AKAP6: variants seen among roughly 807,000 people sequenced by gnomAD.
The protein encoded by AKAP6 is A-kinase anchor protein 6.
AKAP6 carries 58 observed loss-of-function variants against 188.5 expected under a neutral mutation model. That is an observed-to-expected ratio of 0.31 (90% CI 0.25 to 0.38). AKAP6 has a LOEUF of 0.38. Among genes scored for constraint, AKAP6 ranks in the 10% least tolerant of loss-of-function variants. The pLI is 1.00. For synonymous variants in AKAP6, 989 were observed against 998.6 expected (o/e 0.99, Z 0.18); for missense variants, 2,710 against 2,740.0 (o/e 0.99, Z 0.24).
At chr14:32,611,685 C>G (rs376702400) in intron 7 of AKAP6, among the ~76,000 whole-genome samples, 2 of 152,242 alleles carry the variant, frequency 1.3e-5, no homozygotes, top group African/African-American at 4.8e-5. Flanking sequence ...GTGAAACTTT[C>G]AGGCCCTGTT....
intron 2 of AKAP6, among the ~76,000 whole-genome samples, chr14:32,454,666 TCCTTCCCTCCTTCC>T (rs1891064964): frequency 2.5e-5 from 2 of 78,578 alleles, no homozygotes; most frequent in African/African-American, 9.7e-5. Context: ...TCTCCTTCCC[TCCTTCCCTCCTTCC>T]CTCCTTCCCT....
Position 32,496,204 on chromosome 14 carries a change from T to C in AKAP6, c.325-39350T>C, listed in dbSNP as rs540216482. Among the ~76,000 whole-genome samples the C allele has an allele frequency of 2.0e-5, 3 of 152,306 alleles. No individual in the cohort carries two copies. In the South Asian group the frequency reaches 6.2e-4, roughly 32 times the overall value. ...GTAATTAGAATGACTTAACACATACTTGGAAAGCTGATCACTTTTAAGGAA... is the reference window on the plus strand; with the variant it reads ...GTAATTAGAATGACTTAACACATACCTGGAAAGCTGATCACTTTTAAGGAA... On this transcript the variant is annotated intron_variant, in intron 2 of 13. Coordinates refer to ENST00000280979, the MANE Select transcript of AKAP6 (RefSeq NM_004274.5).
intron 2 of AKAP6, among the ~76,000 whole-genome samples, chr14:32,517,427 A>G (rs1393834812): frequency 1.3e-5 from 2 of 152,168 alleles, no homozygotes. Context: ...CATCTCACTG[A>G]GGATTGTTGG....
At chr14:32,510,186 A>G (rs1881103873) in intron 2 of AKAP6, among the ~76,000 whole-genome samples, 1 of 151,676 alleles carries the variant, frequency 6.6e-6, no homozygotes, top group South Asian at 2.1e-4. Flanking sequence ...CTCTTCTCCC[A>G]TGACTACTAA....
At chr14:32,440,895 G>T (rs1055382406) in intron 2 of AKAP6, among the ~76,000 whole-genome samples, 4 of 152,038 alleles carry the variant, frequency 2.6e-5, no homozygotes, top group African/African-American at 7.2e-5. Context: ...TTCGTATGTT[G>T]AAACTTAATT....
chr14:32,708,081 C>T (rs533691360), intron 9 of AKAP6, among the ~76,000 whole-genome samples: 10 of 152,086 alleles, frequency 6.6e-5, no homozygotes, highest in Non-Finnish European at 1.0e-4. Flanking sequence ...TAGATACATA[C>T]GGGTATGATT....
At position 32,384,657 on chromosome 14, in the gene AKAP6, A is replaced by G. The variant is rs539661347; in HGVS notation, c.-34-48803A>G. On this transcript the variant is annotated intron_variant, in intron 1 of 13. Coordinates refer to ENST00000280979, the MANE Select transcript of AKAP6 (RefSeq NM_004274.5). ...TGTGTTATTTCAGTGTCTCTGATGC[A>G]TTGGTTTAATAGGAACTGGTTTATC... Among the ~76,000 whole-genome samples, 18 of 152,248 alleles carry G rather than the reference A, an allele frequency of 1.2e-4. No individual in the cohort carries two copies. In the South Asian group the frequency reaches 2.9e-3, roughly 25 times the overall value.
At chr14:32,381,682 A>G (rs369803999) in intron 1 of AKAP6, among the ~76,000 whole-genome samples, 15 of 152,156 alleles carry the variant, frequency 9.9e-5, no homozygotes, top group African/African-American at 3.6e-4. Flanking sequence ...GGAAGAGATC[A>G]ACATCTTCTG....
chr14:32,824,862 A>G, intron 13 of AKAP6, 47 bp downstream of exon 13: 3 of 1,462,996 alleles, frequency 2.1e-6, no homozygotes, highest in Non-Finnish European at 2.7e-6. Flanking sequence ...TATTGAGTTC[A>G]GGTCAGCAAA....
chr14:32,524,072 C>A (rs1005811454), intron 2 of AKAP6, among the ~76,000 whole-genome samples: 3 of 151,894 alleles, frequency 2.0e-5, no homozygotes, highest in African/African-American at 7.3e-5. Context: ...GGTGTGGTAA[C>A]ACGTGCCTAT....
At chr14:32,700,895 C>T (rs1332360658) in intron 9 of AKAP6, among the ~76,000 whole-genome samples, 4 of 152,128 alleles carry the variant, frequency 2.6e-5, no homozygotes, top group Non-Finnish European at 5.9e-5. Flanking sequence ...TGTTAAGCAA[C>T]ATGATTTGTA....
intron 7 of AKAP6, among the ~76,000 whole-genome samples, chr14:32,643,973 T>C (rs1354984001): frequency 6.6e-6 from 1 of 152,194 alleles, no homozygotes; most frequent in African/African-American, 2.4e-5. Flanking sequence ...TTCTTGTAGA[T>C]ATATTCACCT....
chr14:32,330,041 A>G (rs574357649), intron 1 of AKAP6, among the ~76,000 whole-genome samples: 1 of 152,248 alleles, frequency 6.6e-6, no homozygotes, highest in African/African-American at 2.4e-5. Context: ...GAGTTAGTTG[A>G]AAGACTGCCA....
intron 12 of AKAP6, among the ~76,000 whole-genome samples, chr14:32,789,157 G>A (rs1334469168): frequency 6.6e-6 from 1 of 152,116 alleles, no homozygotes; most frequent in African/African-American, 2.4e-5. Context: ...CTCCTCACAG[G>A]GTGGGATCTC....
At chr14:32,348,238 C>A (rs1408897308) in intron 1 of AKAP6, among the ~76,000 whole-genome samples, 1 of 151,990 alleles carries the variant, frequency 6.6e-6, no homozygotes, top group Non-Finnish European at 1.5e-5. Context: ...CCTGGCCTTG[C>A]CCAGAAGAAT....
At chr14:32,459,377 A>G (rs1891248443) in intron 2 of AKAP6, among the ~76,000 whole-genome samples, 1 of 152,174 alleles carries the variant, frequency 6.6e-6, no homozygotes, top group African/African-American at 2.4e-5. Flanking sequence ...TATGTTTACT[A>G]CAATTCAGTA....
chr14:32,706,185 C>T (rs1042589994), intron 9 of AKAP6, among the ~76,000 whole-genome samples: 4 of 152,138 alleles, frequency 2.6e-5, no homozygotes, highest in African/African-American at 9.7e-5. Flanking sequence ...ATCTTCTCTA[C>T]AACAGGTAGA....
At chr14:32,398,980 C>T (rs1888987986) in intron 1 of AKAP6, among the ~76,000 whole-genome samples, 1 of 151,424 alleles carries the variant, frequency 6.6e-6, no homozygotes, top group Admixed American at 6.6e-5. Context: ...CTCAGCCTCC[C>T]AAGTAGCTGG....
intron 1 of AKAP6, among the ~76,000 whole-genome samples, chr14:32,377,370 A>G (rs1180609635): frequency 1.3e-5 from 2 of 152,218 alleles, no homozygotes; most frequent in Non-Finnish European, 2.9e-5. Context: ...TTTGAACTGT[A>G]TAACACATTC....
Sources: gnomAD v4.1 joint callset for allele counts (sites outside exome capture counted in the v4.1 genomes callset) on GRCh38, gnomAD v4.1.1 for gene constraint, MANE v1.5 for transcripts, NCBI Gene and HGNC (gene_info 2026-07-23, HGNC 2026-07-21) for gene names.